DCC: variants seen among roughly 807,000 people sequenced by gnomAD.
DCC encodes DCC netrin 1 receptor.
Under a neutral mutation model 172.5 loss-of-function variants are expected in DCC, and 58 were observed. The observed-to-expected ratio is 0.34, with a 90% CI of 0.27 to 0.42. DCC has a LOEUF of 0.42. DCC is among the 10% of genes least tolerant of loss of function. The pLI is 1.00. For missense variants in DCC, 1,740 were observed against 1,791.0 expected, an observed-to-expected ratio of 0.97 and a Z score of 0.51; for synonymous variants, 709 against 644.5, an observed-to-expected ratio of 1.10 and a Z score of -1.52.
intron 7 of DCC, among the ~76,000 whole-genome samples, chr18:53,099,393 A>G (rs1356486292): frequency 6.6e-6 from 1 of 152,088 alleles, no homozygotes; most frequent in Non-Finnish European, 1.5e-5. Flanking sequence ...GCCCTTTGAC[A>G]TGTTTTAATT....
In DCC at chr18:53,369,649, T is replaced by C. The variant is rs1238373493; in HGVS notation, c.2360-16394T>C. ...TTTTATTATGTTGAGATAATTTCCT[T>C]TGATTCCTAGTTTGTTGAGTATTTC... On this transcript the variant is annotated intron_variant, in intron 15 of 28. Transcript: ENST00000442544. 2.0e-5 allele frequency among the ~76,000 whole-genome samples: 3 copies of C among 151,874 alleles called. No homozygotes were observed. In the East Asian group the frequency reaches 5.8e-4, roughly 29 times the overall value.
At chr18:52,647,033 A>G (rs2144915131) in intron 1 of DCC, among the ~76,000 whole-genome samples, 1 of 152,336 alleles carries the variant, frequency 6.6e-6, no homozygotes, top group South Asian at 2.1e-4. Flanking sequence ...AGGAAATTCC[A>G]TGGGTTTTAT....
At chr18:52,341,889 C>A (rs1983652489) in intron 1 of DCC, among the ~76,000 whole-genome samples, 1 of 152,050 alleles carries the variant, frequency 6.6e-6, no homozygotes, top group Non-Finnish European at 1.5e-5. Flanking sequence ...ATTCAGAGAG[C>A]CCTTCGGAAA....
intron 8 of DCC, among the ~76,000 whole-genome samples, chr18:53,167,518 A>C (rs2144429184): frequency 6.6e-6 from 1 of 152,318 alleles, no homozygotes; most frequent in Non-Finnish European, 1.5e-5. Context: ...CAAGGAATAG[A>C]ATCCAATTTT....
chr18:52,548,511 G>A (rs1018905990), intron 1 of DCC, among the ~76,000 whole-genome samples: 1 of 152,076 alleles, frequency 6.6e-6, no homozygotes, highest in Admixed American at 6.6e-5. Flanking sequence ...GTCCACATCA[G>A]TTCTAGGCTG....
At chr18:53,037,945 A>G (rs1393698422) in intron 5 of DCC, among the ~76,000 whole-genome samples, 1 of 152,042 alleles carries the variant, frequency 6.6e-6, no homozygotes, top group East Asian at 1.9e-4. Flanking sequence ...AGTAAAAATA[A>G]GCAAATGAAA....
chr18:53,054,105 A>G (rs923066463), intron 5 of DCC, among the ~76,000 whole-genome samples: 4 of 152,098 alleles, frequency 2.6e-5, no homozygotes, highest in South Asian at 4.1e-4. Context: ...ACCTACGTCA[A>G]TCCTCCCATA....
Position 53,526,764 on chromosome 18 carries a change from G to C in DCC, c.4254+5G>C, listed in dbSNP as rs975174691. The C allele has an allele frequency of 6.2e-7, 1 of 1,613,220 alleles. No homozygotes were observed. The highest frequency in any genetic ancestry group is 8.5e-7 in the Non-Finnish European group (1 of 1,179,512). On this transcript the variant is annotated splice_donor_5th_base_variant and intron_variant, in intron 28 of 28. Coordinates refer to ENST00000442544, the MANE Select transcript of DCC (RefSeq NM_005215.4). ...CCAACAGAGGATTCAGCCAATGTAA[G>C]GGCATCTTTAAAATTCATGCTTCAT...
chr18:53,511,846 G>C lies in DCC; in HGVS notation c.4111+12336G>C, dbSNP rs950802637. On this transcript the variant is annotated intron_variant, in intron 27 of 28. Coordinates refer to ENST00000442544, the MANE Select transcript of DCC (RefSeq NM_005215.4). ...GTCTCGCTGATTGCTAGCACAGCAC[G>C]GCAGTCTGAGATCAAACTGCAAGGC... Among the ~76,000 whole-genome samples, 3 of 151,850 alleles carry C rather than the reference G, an allele frequency of 2.0e-5. 1 individual carries two copies. The highest frequency in any genetic ancestry group is 2.0e-4 in the Admixed American group (3 of 15,266).
chr18:52,380,338 G>C (rs2144322224), intron 1 of DCC, among the ~76,000 whole-genome samples: 1 of 152,238 alleles, frequency 6.6e-6, no homozygotes, highest in East Asian at 1.9e-4. Flanking sequence ...AAATTAGCAA[G>C]ATAATATATA....
intron 19 of DCC, among the ~76,000 whole-genome samples, chr18:53,405,400 C>T (rs548249222): frequency 3.9e-5 from 6 of 152,006 alleles, no homozygotes; most frequent in South Asian, 2.1e-4. Flanking sequence ...CCCACTTTCT[C>T]GGTTTCTCAC....
chr18:52,706,262 C>T (rs2036210279), intron 1 of DCC, among the ~76,000 whole-genome samples: 1 of 152,112 alleles, frequency 6.6e-6, no homozygotes, highest in South Asian at 2.1e-4. Context: ...TAAGCACAGC[C>T]AGATATTTCT....
intron 15 of DCC, among the ~76,000 whole-genome samples, chr18:53,371,624 T>C (rs539581073): frequency 6.6e-6 from 1 of 152,060 alleles, no homozygotes; most frequent in Admixed American, 6.6e-5. Flanking sequence ...AAAACTTTAA[T>C]TAAATTTATA....
chr18:53,443,925 G>T (rs1020692335), intron 22 of DCC, among the ~76,000 whole-genome samples: 1 of 152,204 alleles, frequency 6.6e-6, no homozygotes, highest in African/African-American at 2.4e-5. Flanking sequence ...TTGAAGAAGT[G>T]ACTGAACTGC....
intron 1 of DCC, among the ~76,000 whole-genome samples, chr18:52,612,276 C>T (rs996023542): frequency 4.6e-5 from 7 of 152,008 alleles, no homozygotes; most frequent in African/African-American, 1.7e-4. Flanking sequence ...GGGGTTCTTG[C>T]CTCCTCCATC....
At chr18:53,126,850 G>A (rs939822340) in intron 7 of DCC, among the ~76,000 whole-genome samples, 9 of 152,044 alleles carry the variant, frequency 5.9e-5, no homozygotes, top group Admixed American at 2.0e-4. Flanking sequence ...AACAAAAATC[G>A]AAACTCACAA....
intron 1 of DCC, among the ~76,000 whole-genome samples, chr18:52,595,358 T>A (rs1270783034): frequency 6.6e-6 from 1 of 152,194 alleles, no homozygotes; most frequent in Non-Finnish European, 1.5e-5. Context: ...GAAAGAACTT[T>A]GCCTTGTCTT....
chr18:52,611,524 G>T (rs532233023), intron 1 of DCC, among the ~76,000 whole-genome samples: 1 of 152,246 alleles, frequency 6.6e-6, no homozygotes, highest in African/African-American at 2.4e-5. Flanking sequence ...GTCCTGACTG[G>T]CTGATGTATG....
chr18:52,954,370 T>G (rs547803150), intron 5 of DCC, among the ~76,000 whole-genome samples: 1 of 152,332 alleles, frequency 6.6e-6, no homozygotes, highest in South Asian at 2.1e-4. Context: ...TATTACCAGC[T>G]TTATGTAATT....
Sources: gnomAD v4.1 joint callset for allele counts (sites outside exome capture counted in the v4.1 genomes callset) on GRCh38, gnomAD v4.1.1 for gene constraint, MANE v1.5 for transcripts, NCBI Gene and HGNC (gene_info 2026-07-23, HGNC 2026-07-21) for gene names.